Variants in EYS observed in about 807,000 individuals in gnomAD.
EYS encodes the protein EGF-like photoreceptor maintenance factor, also known as protein eyes shut homolog.
A neutral mutation model predicts 282.1 loss-of-function variants in EYS; 250 were observed. That is an observed-to-expected ratio of 0.89 (90% CI 0.80 to 0.98). The LOEUF is 0.98. EYS is among the 50% of genes least tolerant of loss of function. The pLI is 0.00. For synonymous variants in EYS, 1,355 were observed against 1,282.9 expected, an observed-to-expected ratio of 1.06 and a Z score of -1.20; for missense variants, 4,016 against 3,709.0, an observed-to-expected ratio of 1.08 and a Z score of -2.15.
At chr6:65,515,245 C>T (rs1436244503) in intron 2 of EYS, among the ~76,000 whole-genome samples, 3 of 151,626 alleles carry the variant, frequency 2.0e-5, no homozygotes, top group Admixed American at 1.3e-4. Flanking sequence ...AATGAGATAC[C>T]ATCTCACACC....
intron 26 of EYS, among the ~76,000 whole-genome samples, chr6:64,454,319 C>T (rs1775480182): frequency 6.6e-6 from 1 of 152,076 alleles, no homozygotes; most frequent in Non-Finnish European, 1.5e-5. Context: ...AGGTCACGTT[C>T]TGCATATTGT....
intron 5 of EYS, among the ~76,000 whole-genome samples, chr6:65,471,467 G>T (rs1258604083): frequency 2.6e-5 from 4 of 151,928 alleles, no homozygotes; most frequent in African/African-American, 9.7e-5. Context: ...ATGAATTCTG[G>T]GATTGTTTTT....
chr6:64,438,655 GA>G (rs56933316), intron 27 of EYS, among the ~76,000 whole-genome samples: 36,166 of 150,880 alleles, frequency 0.24, 4,897 homozygotes, highest in East Asian at 0.39. Context: ...AAAATAAGGA[GA>G]AAAAAAGACA....
chr6:64,752,501 G>T (rs1025365699), intron 22 of EYS, among the ~76,000 whole-genome samples: 5 of 152,116 alleles, frequency 3.3e-5, no homozygotes, highest in African/African-American at 1.2e-4. Flanking sequence ...CAAAAAATAT[G>T]TGATTATGTA....
intron 31 of EYS, among the ~76,000 whole-genome samples, chr6:64,130,396 C>T (rs148991721): frequency 8.5e-5 from 13 of 152,162 alleles, no homozygotes; most frequent in Middle Eastern, 3.4e-3. Flanking sequence ...AACCAAATGC[C>T]GCATGTTCTC....
rs1469769168 is a variant in EYS, at chr6:64,884,141, G to T, written c.2992+2556C>A. Reference sequence around the variant, plus strand: ...ATAATTAAGAATCATAAACTTTCCTGGTCAGAGTCTTGAAAAATTTATATC... The same window carrying T: ...ATAATTAAGAATCATAAACTTTCCTTGTCAGAGTCTTGAAAAATTTATATC... On this transcript the variant is annotated intron_variant, in intron 19 of 42. Coordinates refer to ENST00000503581, the MANE Select transcript of EYS (RefSeq NM_001142800.2). 5.3e-5 allele frequency among the ~76,000 whole-genome samples: 8 copies of T among 151,512 alleles called. No individual in the cohort carries two copies. The East Asian group carries it at 1.5e-3, about 29-fold the overall frequency.
At chr6:65,683,056 G>C (rs773890387) in intron 1 of EYS, among the ~76,000 whole-genome samples, 18 of 151,932 alleles carry the variant, frequency 1.2e-4, no homozygotes, top group Non-Finnish European at 1.8e-4. Context: ...CACTGAGACT[G>C]TTATTAGAAA....
chr6:65,543,922 C>T (rs1199814638), intron 2 of EYS, among the ~76,000 whole-genome samples: 1 of 151,886 alleles, frequency 6.6e-6, no homozygotes, highest in African/African-American at 2.4e-5. Flanking sequence ...GTAGAGATGG[C>T]CTTGCTTTTG....
At chr6:65,069,687 C>T (rs1773850604) in intron 12 of EYS, among the ~76,000 whole-genome samples, 1 of 151,906 alleles carries the variant, frequency 6.6e-6, no homozygotes, top group Admixed American at 6.6e-5. Flanking sequence ...AATTTGTATA[C>T]ATACCTGAGT....
rs556373502 is a variant in EYS, at chr6:65,069,159, T to A, written c.2024-11432A>T. Reference sequence around the variant, plus strand: ...ACTCAAGCTTGAAGTTTTGGGGGATTCAGTATCTCCTTCCTCATCTCTTGC... The same window carrying A: ...ACTCAAGCTTGAAGTTTTGGGGGATACAGTATCTCCTTCCTCATCTCTTGC... On this transcript the variant is annotated intron_variant, in intron 12 of 42. Transcript: ENST00000503581. Among the ~76,000 whole-genome samples the A allele has an allele frequency of 2.0e-4, 30 of 152,154 alleles. No individual in the cohort carries two copies. In the South Asian group the frequency reaches 5.8e-3, roughly 29 times the overall value.
intron 22 of EYS, among the ~76,000 whole-genome samples, chr6:64,648,470 GAGAA>G (rs1194284526): frequency 6.6e-6 from 1 of 152,160 alleles, no homozygotes; most frequent in African/African-American, 2.4e-5. Context: ...TTCTTGGTAA[GAGAA>G]ATATCATATA....
intron 33 of EYS, among the ~76,000 whole-genome samples, chr6:64,050,768 T>G (rs1770784526): frequency 1.3e-5 from 2 of 152,178 alleles, no homozygotes; most frequent in South Asian, 4.1e-4. Flanking sequence ...TTGGGAACTT[T>G]GCTTAATGTG....
intron 31 of EYS, among the ~76,000 whole-genome samples, chr6:64,085,318 G>A (rs1291836567): frequency 3.8e-5 from 5 of 132,748 alleles, no homozygotes; most frequent in South Asian, 2.3e-4. Flanking sequence ...TTCCAGACGC[G>A]CGCGCGTGCG....
chr6:65,645,097 G>T (rs560167663), intron 1 of EYS, among the ~76,000 whole-genome samples: 30 of 151,750 alleles, frequency 2.0e-4, no homozygotes, highest in African/African-American at 6.7e-4. Flanking sequence ...AGGGACTTTA[G>T]CACTCCACTG....
At chr6:64,074,044 T>G (rs375967388) in intron 32 of EYS, among the ~76,000 whole-genome samples, 2 of 151,940 alleles carry the variant, frequency 1.3e-5, no homozygotes, top group Non-Finnish European at 2.9e-5. Flanking sequence ...TTTAGGCTTT[T>G]AGGCTTTGTA....
chr6:63,994,039 A>T (rs187687015), intron 34 of EYS, among the ~76,000 whole-genome samples: 2 of 152,076 alleles, frequency 1.3e-5, no homozygotes, highest in East Asian at 3.9e-4. Flanking sequence ...GCATGTGGAA[A>T]ATAATCTTCA....
At chr6:64,976,116 T>C (rs1770468494) in intron 14 of EYS, among the ~76,000 whole-genome samples, 1 of 151,960 alleles carries the variant, frequency 6.6e-6, no homozygotes, top group Non-Finnish European at 1.5e-5. Context: ...ATACAATTAT[T>C]ACTGAAAAGC....
intron 31 of EYS, among the ~76,000 whole-genome samples, chr6:64,135,316 A>G (rs1054629836): frequency 5.9e-5 from 9 of 152,072 alleles, no homozygotes; most frequent in African/African-American, 2.2e-4. Flanking sequence ...CAAAGAATAG[A>G]TCATAAACTA....
At chr6:65,578,143 C>G (rs2127358210) in intron 2 of EYS, among the ~76,000 whole-genome samples, 1 of 151,674 alleles carries the variant, frequency 6.6e-6, no homozygotes, top group East Asian at 1.9e-4. Context: ...TTTTGCAGCA[C>G]TAGTCACAAT....
Sources: gnomAD v4.1 joint callset for allele counts (sites outside exome capture counted in the v4.1 genomes callset) on GRCh38, gnomAD v4.1.1 for gene constraint, MANE v1.5 for transcripts, NCBI Gene and HGNC (gene_info 2026-07-23, HGNC 2026-07-21) for gene names.